MEIS1: variants seen among roughly 807,000 people sequenced by gnomAD.
The protein encoded by MEIS1 is homeobox protein Meis1.
MEIS1 carries 5 observed loss-of-function variants against 50.8 expected under a neutral mutation model. The ratio of observed to expected loss-of-function variants is 0.10; its 90% confidence interval spans 0.05 to 0.21. The LOEUF (loss-of-function observed/expected upper bound fraction) is 0.21, where lower values mean the gene tolerates loss of function less well. Among genes scored for constraint, MEIS1 ranks in the 10% least tolerant of loss-of-function variants. The pLI, the probability that MEIS1 is intolerant of heterozygous loss-of-function variation, is 1.00. For synonymous variants in MEIS1, 176 were observed against 179.3 expected (o/e 0.98, Z 0.15); for missense variants, 318 against 517.3 (o/e 0.61, Z 3.74).
chr2:66,464,004 G>A, intron 6 of MEIS1, 105 bp from the exon 7 acceptor site: 1 of 762,426 alleles, frequency 1.3e-6, no homozygotes, highest in Admixed American at 2.2e-5. Flanking sequence ...AGGTGGCATG[G>A]TTATGTGCTC....
At chr2:66,455,200 G>T (rs1191312918) in intron 6 of MEIS1, among the ~76,000 whole-genome samples, 2 of 152,198 alleles carry the variant, frequency 1.3e-5, no homozygotes, top group African/African-American at 4.8e-5. Context: ...AAACTGGTAA[G>T]TAGAATTTGA....
rs145392551 is a variant in MEIS1 at position 66,546,713 on chromosome 2, T to C, written c.889-1230T>C. Among the ~76,000 whole-genome samples the C allele has an allele frequency of 1.1e-3, 164 of 152,326 alleles. 1 individual carries two copies. Among genetic ancestry groups the C allele is most frequent in the African/African-American group, 3.8e-3 (158 of 41,564 alleles). The stretch of plus-strand genomic sequence containing the variant: ...CCATGAAAGCAAAGCCTTATTCTAA[T>C]TGTGTATTTATTGATTAAGTGACAA... On this transcript the variant is annotated intron_variant, in intron 8 of 12. Transcript: ENST00000272369.
intron 6 of MEIS1, among the ~76,000 whole-genome samples, chr2:66,444,062 A>G (rs907740216): frequency 6.6e-6 from 1 of 152,194 alleles, no homozygotes; most frequent in African/African-American, 2.4e-5. Context: ...AAATGCAATG[A>G]AAGTGAAAAC....
chr2:66,567,375 C>T lies in MEIS1; in HGVS notation c.966-78C>T, dbSNP rs1359679550. Reference sequence around the variant, plus strand: ...CCAAGATCTAGTTTTACTCCAACTGCGATTCATCTTTTCCTCTTCCTCAAC... The same window carrying T: ...CCAAGATCTAGTTTTACTCCAACTGTGATTCATCTTTTCCTCTTCCTCAAC... On this transcript the variant is annotated intron_variant, in intron 9 of 12. Transcript: ENST00000272369. 3.4e-6 allele frequency: 5 copies of T among 1,450,050 alleles called. No individual in the cohort carries two copies. In the African/African-American group the frequency reaches 5.6e-5, roughly 16 times the overall value. The allele number at this position is 1,450,050 out of a possible 1,614,324, so 89.8% of individuals were successfully genotyped here.
intron 1 of MEIS1, chr2:66,437,282 CTTTTTT>C (rs75658376): frequency 7.0e-6 from 1 of 143,300 alleles, no homozygotes; most frequent in Non-Finnish European, 1.5e-5. Flanking sequence ...CCCATCGTAA[CTTTTTT>C]TTTTTTTTTT....
intron 8 of MEIS1, among the ~76,000 whole-genome samples, chr2:66,533,685 G>T (rs1674448898): frequency 6.6e-6 from 1 of 152,110 alleles, no homozygotes; most frequent in African/African-American, 2.4e-5. Flanking sequence ...TGTGGAGAAT[G>T]TGTAAATTCT....
intron 9 of MEIS1, among the ~76,000 whole-genome samples, chr2:66,559,284 C>A (rs1470445470): frequency 6.6e-6 from 1 of 152,166 alleles, no homozygotes; most frequent in African/African-American, 2.4e-5. Context: ...CATATTTGAT[C>A]ATTAAGGTGA....
intron 6 of MEIS1, among the ~76,000 whole-genome samples, chr2:66,460,056 T>C (rs532892002): frequency 9.2e-5 from 14 of 152,142 alleles, no homozygotes; most frequent in South Asian, 8.3e-4. Context: ...AAGGCATAGA[T>C]TGAAAAAGAG....
Position 66,497,672 on chromosome 2 carries a change from T to C in MEIS1, c.743-14477T>C, listed in dbSNP as rs901482564. On this transcript the variant is annotated intron_variant, in intron 7 of 12. Transcript: ENST00000272369. ...CACTTTAGGAGGCTGAGACAGGAGATTTGCTTAAGCTTAGGACTTCGAGAG... is the reference window on the plus strand; with the variant it reads ...CACTTTAGGAGGCTGAGACAGGAGACTTGCTTAAGCTTAGGACTTCGAGAG... 3.3e-5 allele frequency among the ~76,000 whole-genome samples: 5 copies of C among 152,142 alleles called. No individual in the cohort carries two copies. The South Asian group carries it at 1.0e-3, about 32-fold the overall frequency.
chr2:66,539,528 T>G (rs376762939), intron 8 of MEIS1, among the ~76,000 whole-genome samples: 5 of 152,226 alleles, frequency 3.3e-5, no homozygotes, highest in African/African-American at 9.6e-5. Context: ...CCAGCTCTAC[T>G]ACTTACCAGC....
chr2:66,453,870 G>T (rs928360647), intron 6 of MEIS1, among the ~76,000 whole-genome samples: 1 of 151,696 alleles, frequency 6.6e-6, no homozygotes, highest in Non-Finnish European at 1.5e-5. Context: ...TCTCTGGCTC[G>T]AGAGTTTAGA....
chr2:66,531,968 C>T (rs1674402536), intron 8 of MEIS1, among the ~76,000 whole-genome samples: 1 of 151,788 alleles, frequency 6.6e-6, no homozygotes, highest in African/African-American at 2.4e-5. Flanking sequence ...TTTTGGTTTG[C>T]ATCATCTAAC....
intron 2 of MEIS1, 45 bp from the exon 3 acceptor site, chr2:66,439,798 G>A (rs755112357): frequency 1.2e-6 from 2 of 1,608,186 alleles, no homozygotes; most frequent in Non-Finnish European, 8.5e-7. Context: ...CCATTGACTG[G>A]GGACTAACCA....
intron 7 of MEIS1, among the ~76,000 whole-genome samples, chr2:66,495,173 A>T (rs1162481294): frequency 1.4e-5 from 2 of 138,098 alleles, no homozygotes; most frequent in African/African-American, 5.5e-5. Context: ...GCCAGTTTTT[A>T]TAATTTTGGT....
Position 66,540,455 on chromosome 2 carries a change from G to A in MEIS1, c.889-7488G>A, listed in dbSNP as rs548696620. On this transcript the variant is annotated intron_variant, in intron 8 of 12. Transcript: ENST00000272369. The stretch of plus-strand genomic sequence containing the variant: ...CTGCCGAGTAGATGGGATTACAGGC[G>A]CCTGACATCACGCCCAGCTAATTTT... Among the ~76,000 whole-genome samples, 20 of 152,118 alleles carry A rather than the reference G, an allele frequency of 1.3e-4. No homozygotes were observed. The East Asian group carries it at 1.5e-3, about 12-fold the overall frequency.
rs12465087 is a variant in MEIS1, at chr2:66,528,857, A to T, written c.888+16563A>T. On this transcript the variant is annotated intron_variant, in intron 8 of 12. Transcript: ENST00000272369. ...AACATCCGTGGTGTGCCACTCAAGG[A>T]CCCCTTGAGGTCTGACACTGGTGCC... 8.3e-3 allele frequency among the ~76,000 whole-genome samples: 1,267 copies of T among 151,964 alleles called. 9 individuals carry two copies. Among genetic ancestry groups the T allele is most frequent in the Non-Finnish European group, 0.014 (936 of 67,932 alleles).
intron 8 of MEIS1, among the ~76,000 whole-genome samples, chr2:66,542,948 C>T (rs1485081866): frequency 6.6e-6 from 1 of 152,182 alleles, no homozygotes; most frequent in African/African-American, 2.4e-5. Flanking sequence ...GAGTCTGTCT[C>T]TTCCCCATTG....
At chr2:66,544,442 A>G (rs1281549646) in intron 8 of MEIS1, among the ~76,000 whole-genome samples, 1 of 152,128 alleles carries the variant, frequency 6.6e-6, no homozygotes, top group Non-Finnish European at 1.5e-5. Context: ...ATGTGATTCT[A>G]GCAATTACAG....
intron 10 of MEIS1, chr2:66,567,894 G>T: frequency 2.3e-6 from 1 of 444,434 alleles, no homozygotes; most frequent in Non-Finnish European, 4.1e-6. Context: ...CCTGTCAAAA[G>T]GGCAAAGGGG....
Sources: gnomAD v4.1 joint callset for allele counts (sites outside exome capture counted in the v4.1 genomes callset) on GRCh38, gnomAD v4.1.1 for gene constraint, MANE v1.5 for transcripts, NCBI Gene and HGNC (gene_info 2026-07-23, HGNC 2026-07-21) for gene names.